Variants in NUMB observed in about 807,000 individuals in gnomAD.
NUMB encodes NUMB endocytic adaptor protein, also known as protein numb homolog.
Under a neutral mutation model 59.7 loss-of-function variants are expected in NUMB, and 29 were observed. That is an observed-to-expected ratio of 0.49 (90% CI 0.36 to 0.66). The LOEUF is 0.66. NUMB is among the 30% of genes least tolerant of loss of function. The pLI, the probability that NUMB is intolerant of heterozygous loss-of-function variation, is 0.00. For missense variants in NUMB, 723 were observed against 822.0 expected, an observed-to-expected ratio of 0.88 and a Z score of 1.47; for synonymous variants, 288 against 288.2, an observed-to-expected ratio of 1.00 and a Z score of 0.01.
chr14:73,443,293 G>A (rs893816898), intron 1 of NUMB, among the ~76,000 whole-genome samples: 7 of 152,108 alleles, frequency 4.6e-5, no homozygotes, highest in African/African-American at 1.7e-4. Context: ...GGTATGTTTG[G>A]GTAAGAAAAA....
At chr14:73,314,246 C>T (rs1890953299) in intron 6 of NUMB, among the ~76,000 whole-genome samples, 1 of 151,990 alleles carries the variant, frequency 6.6e-6, no homozygotes, top group South Asian at 2.1e-4. Context: ...AGAGTGTGGG[C>T]TCTGAAGTCA....
chr14:73,302,705 C>G (rs1239696420), intron 6 of NUMB, among the ~76,000 whole-genome samples: 1 of 151,948 alleles, frequency 6.6e-6, no homozygotes, highest in African/African-American at 2.4e-5. Context: ...AGCCACTGCG[C>G]CTGGCCAATA....
intron 6 of NUMB, chr14:73,299,316 T>C (rs1467175105): frequency 6.6e-6 from 1 of 152,158 alleles, no homozygotes; most frequent in Non-Finnish European, 1.5e-5. Flanking sequence ...TCTGTAAATA[T>C]TATTACAATG....
chr14:73,350,070 T>TACACACACACAC lies in NUMB; in HGVS notation c.126+5555_126+5556insGTGTGTGTGTGT, dbSNP rs765736029. ...ATACATACATACATATATACATACA[T>TACACACACACAC]ACATACATACACACACACACACACA... On this transcript the variant is annotated intron_variant, in intron 4 of 12. Transcript: ENST00000555238. 2.6e-3 allele frequency among the ~76,000 whole-genome samples: 288 copies of TACACACACACAC among 110,244 alleles called. 1 individual carries two copies. Among genetic ancestry groups the TACACACACACAC allele is most frequent in the African/African-American group, 7.3e-3 (184 of 25,236 alleles). The allele number at this position is 110,244 out of a possible 152,430, so 72.3% of individuals were successfully genotyped here. A position where few individuals can be genotyped will look rare whatever the true frequency, so the allele number is the denominator to read the frequency against.
At chr14:73,302,510 G>T (rs1428541265) in intron 6 of NUMB, among the ~76,000 whole-genome samples, 1 of 149,874 alleles carries the variant, frequency 6.7e-6, no homozygotes, top group African/African-American at 2.5e-5. Flanking sequence ...GGGCTCAAGT[G>T]ATTCTCATGC....
At chr14:73,396,860 T>A (rs960035309) in intron 2 of NUMB, among the ~76,000 whole-genome samples, 3 of 152,128 alleles carry the variant, frequency 2.0e-5, no homozygotes, top group African/African-American at 7.2e-5. Flanking sequence ...CAGTGGCTCA[T>A]GCCTGTAATC....
chr14:73,384,531 T>C (rs1243535152), intron 2 of NUMB, among the ~76,000 whole-genome samples: 1 of 152,128 alleles, frequency 6.6e-6, no homozygotes, highest in African/African-American at 2.4e-5. Flanking sequence ...GAATCAACAA[T>C]ACATACAAGA....
intron 4 of NUMB, among the ~76,000 whole-genome samples, chr14:73,350,308 G>A (rs994678341): frequency 6.6e-6 from 1 of 151,386 alleles, no homozygotes; most frequent in African/African-American, 2.4e-5. Flanking sequence ...CGAGTAGCTG[G>A]GGTTACAGGC....
At position 73,276,570 on chromosome 14, in the gene NUMB, A is replaced by ATGAT. The variant is rs769409332; in HGVS notation, c.*4_*7dup. ...GGTATGGACAAGATACATAGCCATA[A>ATGAT]TGATTGCTTAAAGTTCAATTTCAAA... On this transcript the variant is annotated 3_prime_UTR_variant, in exon 13 of 13. Coordinates refer to ENST00000555238, the MANE Select transcript of NUMB (RefSeq NM_001005743.2). 16 of 1,607,064 alleles carry ATGAT rather than the reference A, an allele frequency of 1.0e-5. No individual in the cohort carries two copies. The East Asian group carries it at 2.7e-4, about 27-fold the overall frequency.
chr14:73,310,517 G>T (rs139100613), intron 6 of NUMB, among the ~76,000 whole-genome samples: 7 of 152,308 alleles, frequency 4.6e-5, no homozygotes, highest in African/African-American at 1.7e-4. Context: ...GGAAAGCAGA[G>T]GAATGCTTTT....
intron 2 of NUMB, among the ~76,000 whole-genome samples, chr14:73,398,392 C>CAGAGAGAGAGAGAG (rs1171734636): frequency 7.5e-6 from 1 of 133,754 alleles, no homozygotes; most frequent in African/African-American, 2.9e-5. Context: ...GAGACACACA[C>CAGAGAGAGAGAGAG]AGAGAGAGAG....
Position 73,276,614 on chromosome 14 carries a change from G to A in NUMB, c.1920C>T (p.Ser640=), listed in dbSNP as rs762037345. The change falls in exon 13 of 13, where the codon TCC becomes TCT. Residue 640 remains serine, a synonymous_variant. Coordinates refer to ENST00000555238, the MANE Select transcript of NUMB (RefSeq NM_001005743.2). The part of the protein sequence containing the change: ...RTNPSPTNPF[S]SDLQKTFEIE... ...TTTCAAACGTCTTCTGTAAGTCACT[G>A]GAGAAAGGGTTGGTAGGGGAGGGAT... The A allele has an allele frequency of 6.2e-7, 1 of 1,613,904 alleles. No individual in the cohort carries two copies. Among genetic ancestry groups the A allele is most frequent in the South Asian group, 1.1e-5 (1 of 91,072 alleles).
At chr14:73,323,376 T>A in intron 4 of NUMB, 172 bp from the exon 5 acceptor site, 1 of 515,180 alleles carries the variant, frequency 1.9e-6, no homozygotes, top group Non-Finnish European at 3.4e-6. Flanking sequence ...ACAACCTGTA[T>A]TGAAATTCCT....
chr14:73,289,452 G>T (rs949273435), intron 8 of NUMB, among the ~76,000 whole-genome samples: 4 of 152,136 alleles, frequency 2.6e-5, no homozygotes, highest in Non-Finnish European at 5.9e-5. Flanking sequence ...ATAATTGTTG[G>T]CATCATTCAC....
chr14:73,377,958 C>T (rs1895037757), intron 2 of NUMB, among the ~76,000 whole-genome samples: 2 of 150,854 alleles, frequency 1.3e-5, no homozygotes, highest in South Asian at 4.2e-4. Flanking sequence ...GATATATATA[C>T]ACACACATGC....
Position 73,385,588 on chromosome 14 carries a change from G to A in NUMB, c.-100-18607C>T, listed in dbSNP as rs571514575. ...ATGATCTCAGCTCACGGTAACCTCC[G>A]CCTCCCAGGTTCAAGCGATTCTTGT... On this transcript the variant is annotated intron_variant, in intron 2 of 12. Transcript: ENST00000555238. Among the ~76,000 whole-genome samples the A allele has an allele frequency of 2.9e-4, 37 of 128,612 alleles. No individual in the cohort carries two copies. The East Asian group carries it at 9.2e-3, about 32-fold the overall frequency. The allele number at this position is 128,612 out of a possible 152,430, so 84.4% of individuals were successfully genotyped here.
chr14:73,415,487 C>T lies in NUMB; in HGVS notation c.-232-5419G>A, dbSNP rs189989177. Among the ~76,000 whole-genome samples, 53 of 146,822 alleles carry T rather than the reference C, an allele frequency of 3.6e-4. 1 individual carries two copies. The highest frequency in any genetic ancestry group is 1.3e-3 in the African/African-American group (52 of 39,654). On this transcript the variant is annotated intron_variant, in intron 1 of 12. Coordinates refer to ENST00000555238, the MANE Select transcript of NUMB (RefSeq NM_001005743.2). The stretch of plus-strand genomic sequence containing the variant: ...ACGATAAACTATTTCTCCTTACTGT[C>T]TTGCAACTATTTTTTCTTTTCTTTT...
At chr14:73,337,393 C>T (rs1281226413) in intron 4 of NUMB, among the ~76,000 whole-genome samples, 2 of 152,054 alleles carry the variant, frequency 1.3e-5, no homozygotes, top group Non-Finnish European at 1.5e-5. Context: ...CCCAGCTACT[C>T]GGGAAGGCTG....
At chr14:73,334,120 C>T (rs1345625486) in intron 4 of NUMB, among the ~76,000 whole-genome samples, 2 of 151,798 alleles carry the variant, frequency 1.3e-5, no homozygotes, top group South Asian at 2.1e-4. Context: ...GGCACAATCT[C>T]GGCTCACTGC....
Sources: allele counts gnomAD v4.1 joint callset (sites outside exome capture counted in the v4.1 genomes callset), GRCh38; gene constraint gnomAD v4.1.1; transcripts MANE v1.5; gene names NCBI Gene and HGNC (gene_info 2026-07-23, HGNC 2026-07-21).